Variants in TUBE1 observed in about 807,000 individuals in gnomAD.
TUBE1 encodes tubulin epsilon chain.
In TUBE1, 34 loss-of-function variants were observed where a neutral mutation model predicts 53.5. That is an observed-to-expected ratio of 0.64 (90% confidence interval 0.48 to 0.85). The LOEUF is 0.85. Ranked by LOEUF, TUBE1 falls within the 40% of genes least tolerant of loss-of-function variation. The pLI, the probability that TUBE1 is intolerant of heterozygous loss-of-function variation, is 0.00. For missense variants in TUBE1, 532 were observed against 570.5 expected, an observed-to-expected ratio of 0.93 and a Z score of 0.69; for synonymous variants, 177 against 198.4, an observed-to-expected ratio of 0.89 and a Z score of 0.91.
In TUBE1 at chr6:112,087,476, C is replaced by T. The variant is rs1554317608; in HGVS notation, c.-42G>A. On this transcript the variant is annotated 5_prime_UTR_variant, in exon 1 of 12. Coordinates refer to ENST00000368662, the MANE Select transcript of TUBE1 (RefSeq NM_016262.5). ...CTCCGGGAGCTTGCTAGCCCGCGGC[C>T]GCTTCTGCATTCCCCCAGCAACGGC... is the stretch of plus-strand genomic sequence containing the variant. The T allele has an allele frequency of 1.0e-5, 16 of 1,547,068 alleles. No individual in the cohort carries two copies. Among genetic ancestry groups the T allele is most frequent in the Non-Finnish European group, 1.2e-5 (14 of 1,145,212 alleles).
rs782313596 is a variant in TUBE1, at chr6:112,079,665, T to C, written c.416A>G (p.Gln139Arg). The change falls in exon 6 of 12, where the codon CAG becomes CGG. Residue 139 changes from glutamine (Q) to arginine (R), a missense_variant. Physicochemically the swap from Gln to Arg is conservative, Grantham distance 43 (BLOSUM62 1). Coordinates refer to ENST00000368662, the MANE Select transcript of TUBE1 (RefSeq NM_016262.5). ...CATGGAATGTATTATAAAGAAACAC[T>C]GCAAGCAATCACAGTGCTCTGCCGA... Reference protein sequence around the residue: ...RKSAEHCDCLQCFFIIHSMGG... With the variant: ...RKSAEHCDCLRCFFIIHSMGG... 1.2e-6 allele frequency: 2 copies of C among 1,612,624 alleles called. No homozygotes were observed. The highest frequency in any genetic ancestry group is 1.7e-6 in the Non-Finnish European group (2 of 1,179,180).
At chr6:112,073,671 T>TA (rs1776906367) in intron 9 of TUBE1, among the ~76,000 whole-genome samples, 1 of 152,188 alleles carries the variant, frequency 6.6e-6, no homozygotes, top group Non-Finnish European at 1.5e-5. Flanking sequence ...GATGAAAACT[T>TA]ACCAATATCA....
At position 112,072,794 on chromosome 6, in the gene TUBE1, T is replaced by C. The variant is rs1554315540; in HGVS notation, c.1058A>G (p.Asn353Ser). 4.3e-6 allele frequency: 7 copies of C among 1,613,448 alleles called. No individual in the cohort carries two copies. The highest frequency in any genetic ancestry group is 1.1e-5 in the South Asian group (1 of 91,038). Residue 353 changes from asparagine to serine, a missense_variant, in exon 10 of 12, where the codon AAT becomes AGT. By Grantham distance (46) the Asn-to-Ser change is conservative. Coordinates refer to ENST00000368662, the MANE Select transcript of TUBE1 (RefSeq NM_016262.5). ...TCTACGAAGATCTGAAATTTGTACA[T>C]TTCCTCTAACCATGAGTGCACAGGC... ...YLACALMVRG[N>S]VQISDLRRNI...
At position 112,074,704 on chromosome 6, in the gene TUBE1, C is replaced by A; in HGVS notation, c.953+6G>T. On this transcript the variant is annotated splice_donor_region_variant and intron_variant, in intron 9 of 11. Transcript: ENST00000368662. ...CTCAAAAAATTGAAACAAAGTTACA[C>A]CTTACCTTCTAGGAGGAATGTTAAC... 6.7e-7 allele frequency: 1 copy of A among 1,496,302 alleles called. No homozygotes were observed. Among genetic ancestry groups the A allele is most frequent in the South Asian group, 1.4e-5 (1 of 70,442 alleles). The allele number at this position is 1,496,302 out of a possible 1,614,324, so 92.7% of individuals were successfully genotyped here.
At chr6:112,076,756 A>G (rs1199155898) in intron 6 of TUBE1, 1 of 295,434 alleles carries the variant, frequency 3.4e-6, no homozygotes, top group Non-Finnish European at 6.3e-6. Flanking sequence ...TTGTGTAGAG[A>G]TAGGGTCTAC....
chr6:112,080,822 ATT>A, intron 5 of TUBE1, among the ~76,000 whole-genome samples: 1 of 152,230 alleles, frequency 6.6e-6, no homozygotes, highest in African/African-American at 2.4e-5. Flanking sequence ...TACTTAAAAC[ATT>A]TGTCATTATT....
chr6:112,086,632 T>A, intron 2 of TUBE1, 24 bp from the exon 3 acceptor site: 3 of 1,532,950 alleles, frequency 2.0e-6, no homozygotes, highest in Non-Finnish European at 2.7e-6. Context: ...CATATGTTAA[T>A]AGCATTTAGG....
rs1554315322 is a variant in TUBE1 at position 112,071,487 on chromosome 6, T to C, written c.1353A>G (p.Ile451Met). ...TEAVSSLSAL[I>M]QEYDQLDATK... ...TGGCGTCCAGTTGGTCATATTCCTGTATGAGTGCTGATAAAGATGACACAG... is the reference window on the plus strand; with the variant it reads ...TGGCGTCCAGTTGGTCATATTCCTGCATGAGTGCTGATAAAGATGACACAG... The change falls in exon 12 of 12, where the codon ATA (isoleucine) becomes ATG (methionine). Residue 451 changes from isoleucine to methionine, a missense_variant. Transcript: ENST00000368662. 6 of 1,612,870 alleles carry C rather than the reference T, an allele frequency of 3.7e-6. No homozygotes were observed. The highest frequency in any genetic ancestry group is 1.1e-5 in the South Asian group (1 of 90,960).
intron 6 of TUBE1, chr6:112,079,371 G>GA: frequency 1.7e-5 from 4 of 240,388 alleles, no homozygotes; most frequent in East Asian, 7.1e-5. Flanking sequence ...AAAGGTACAA[G>GA]AAAAAAAATT....
chr6:112,074,700 T>C lies in TUBE1; in HGVS notation c.953+10A>G. On this transcript the variant is annotated intron_variant, in intron 9 of 11. Coordinates refer to ENST00000368662, the MANE Select transcript of TUBE1 (RefSeq NM_016262.5). ...AGGCCTCAAAAAATTGAAACAAAGT[T>C]ACACCTTACCTTCTAGGAGGAATGT... 1 of 1,484,734 alleles carries C rather than the reference T, an allele frequency of 6.7e-7. No homozygotes were observed. The highest frequency in any genetic ancestry group is 9.0e-7 in the Non-Finnish European group (1 of 1,116,606). 92.0% of individuals were successfully genotyped at this position (1,484,734 alleles called of 1,614,324 possible).
At position 112,074,189 on chromosome 6, in the gene TUBE1, G is replaced by A. The variant is rs75170774; in HGVS notation, c.953+521C>T. 6.8e-3 allele frequency among the ~76,000 whole-genome samples: 1,041 copies of A among 152,114 alleles called. 10 individuals are homozygous for A. Among genetic ancestry groups the A allele is most frequent in the African/African-American group, 0.024 (983 of 41,466 alleles). ...AGTATCTTTCAAAACTACATTTTTTGTTAAGTATACTGATGTAATCTTTAT... is the reference window on the plus strand; with the variant it reads ...AGTATCTTTCAAAACTACATTTTTTATTAAGTATACTGATGTAATCTTTAT... On this transcript the variant is annotated intron_variant, in intron 9 of 11. Coordinates refer to ENST00000368662, the MANE Select transcript of TUBE1 (RefSeq NM_016262.5).
intron 4 of TUBE1, among the ~76,000 whole-genome samples, chr6:112,083,654 T>C (rs587649320): frequency 7.0e-4 from 107 of 152,250 alleles, no homozygotes; most frequent in Non-Finnish European, 1.2e-3. Context: ...TCTATTATAG[T>C]CAAAGATCAC....
chr6:112,071,587 TA>T lies in TUBE1; in HGVS notation c.1270-18del, dbSNP rs1562601366. On this transcript the variant is annotated intron_variant, in intron 11 of 11. Transcript: ENST00000368662. ...AAGGTGAGCCTATAAATTAAAAAAT[TA>T]GGTAACGTTTACCATTTCAGGAACT... The T allele has an allele frequency of 6.3e-7, 1 of 1,576,140 alleles. No homozygotes were observed. The highest frequency in any genetic ancestry group is 1.2e-5 in the South Asian group (1 of 85,658).
intron 6 of TUBE1, 85 bp downstream of exon 6, chr6:112,079,548 G>A: frequency 5.8e-6 from 8 of 1,381,098 alleles, no homozygotes; most frequent in Non-Finnish European, 8.1e-6. Context: ...ATCAAGCACA[G>A]GTCTAAAAAC....
chr6:112,074,155 C>T (rs954451194), intron 9 of TUBE1, among the ~76,000 whole-genome samples: 23 of 152,186 alleles, frequency 1.5e-4, no homozygotes, highest in African/African-American at 5.6e-4. Context: ...CATCAGTATA[C>T]ATGCTAAGAG....
chr6:112,086,090 T>A (rs1777150477), intron 3 of TUBE1, among the ~76,000 whole-genome samples: 1 of 152,232 alleles, frequency 6.6e-6, no homozygotes, highest in African/African-American at 2.4e-5. Context: ...TAAAAGCTTA[T>A]GGAGATATCC....
chr6:112,072,502 G>C (rs1776885927), intron 10 of TUBE1, among the ~76,000 whole-genome samples: 1 of 152,012 alleles, frequency 6.6e-6, no homozygotes, highest in Admixed American at 6.6e-5. Flanking sequence ...AAATAGTATA[G>C]CTACGATTTT....
chr6:112,071,811 T>C, intron 11 of TUBE1, 91 bp downstream of exon 11: 2 of 1,264,726 alleles, frequency 1.6e-6, no homozygotes, highest in Non-Finnish European at 2.2e-6. Context: ...ATAGAAAACA[T>C]CACCCCTGAT....
chr6:112,084,272 G>A, intron 3 of TUBE1, 26 bp from the exon 4 acceptor site: 1 of 1,591,294 alleles, frequency 6.3e-7, no homozygotes, highest in Non-Finnish European at 8.6e-7. Context: ...ATGAGAAATG[G>A]TCATAAGATC....
Sources: allele counts gnomAD v4.1 joint callset (sites outside exome capture counted in the v4.1 genomes callset), GRCh38; gene constraint gnomAD v4.1.1; transcripts MANE v1.5; gene names NCBI Gene and HGNC (gene_info 2026-07-23, HGNC 2026-07-21).